The following ASIC2 variants were observed in gnomAD, a reference collection of about 807,000 sequenced individuals.
The protein encoded by ASIC2 is acid-sensing ion channel 2.
A neutral mutation model predicts 57.3 loss-of-function variants in ASIC2; 25 were observed. That is an observed-to-expected ratio of 0.44 (90% CI 0.32 to 0.61). The LOEUF is 0.61. Among genes scored for constraint, ASIC2 ranks in the 20% least tolerant of loss-of-function variants. The pLI, the probability that ASIC2 is intolerant of heterozygous loss-of-function variation, is 0.06. For synonymous variants in ASIC2, 319 were observed against 307.5 expected, an observed-to-expected ratio of 1.04 and a Z score of -0.39; for missense variants, 641 against 738.1, an observed-to-expected ratio of 0.87 and a Z score of 1.52.
At chr17:33,484,896 G>T (rs1368894410) in intron 1 of ASIC2, among the ~76,000 whole-genome samples, 1 of 152,248 alleles carries the variant, frequency 6.6e-6, no homozygotes, top group Non-Finnish European at 1.5e-5. Flanking sequence ...GTAATTAAAA[G>T]TAGATATAAA....
chr17:34,132,218 T>A (rs556883186), intron 1 of ASIC2, among the ~76,000 whole-genome samples: 1 of 152,248 alleles, frequency 6.6e-6, no homozygotes, highest in East Asian at 1.9e-4. Flanking sequence ...TTCCTCCCGG[T>A]AAGTTCGTGG....
intron 1 of ASIC2, among the ~76,000 whole-genome samples, chr17:33,458,029 C>T (rs1042453223): frequency 2.6e-5 from 4 of 151,102 alleles, no homozygotes; most frequent in African/African-American, 4.9e-5. Flanking sequence ...GAAGGGGATT[C>T]TGATTCTGAC....
At chr17:33,661,389 C>T (rs1907259497) in intron 1 of ASIC2, among the ~76,000 whole-genome samples, 1 of 152,208 alleles carries the variant, frequency 6.6e-6, no homozygotes, top group Non-Finnish European at 1.5e-5. Context: ...TTGATTGCCT[C>T]GCTTGGGGCT....
chr17:33,880,195 A>G (rs1002122353), intron 1 of ASIC2, among the ~76,000 whole-genome samples: 1 of 152,224 alleles, frequency 6.6e-6, no homozygotes, highest in Non-Finnish European at 1.5e-5. Flanking sequence ...AATTAAAAGA[A>G]CTAGAGAAGC....
intron 1 of ASIC2, among the ~76,000 whole-genome samples, chr17:33,471,280 T>C (rs1457963112): frequency 2.6e-5 from 4 of 152,190 alleles, no homozygotes; most frequent in Non-Finnish European, 5.9e-5. Flanking sequence ...CTAGTTGGGA[T>C]TGTTGAGCTC....
At chr17:33,911,442 G>A (rs956992361) in intron 1 of ASIC2, among the ~76,000 whole-genome samples, 5 of 152,172 alleles carry the variant, frequency 3.3e-5, no homozygotes, top group South Asian at 2.1e-4. Flanking sequence ...TATTCTCATC[G>A]TCCAGAATGA....
intron 1 of ASIC2, among the ~76,000 whole-genome samples, chr17:33,660,443 C>T (rs902889220): frequency 1.3e-5 from 2 of 151,830 alleles, no homozygotes; most frequent in East Asian, 1.9e-4. Flanking sequence ...ATTCTATAAG[C>T]TTTTTTCTGT....
intron 1 of ASIC2, among the ~76,000 whole-genome samples, chr17:33,490,677 C>T (rs535364452): frequency 6.6e-6 from 1 of 152,298 alleles, no homozygotes; most frequent in African/African-American, 2.4e-5. Flanking sequence ...CGAGGCCTCC[C>T]CAGCCACGTG....
chr17:33,859,686 T>C (rs1456165749), intron 1 of ASIC2, among the ~76,000 whole-genome samples: 1 of 152,068 alleles, frequency 6.6e-6, no homozygotes, highest in Non-Finnish European at 1.5e-5. Flanking sequence ...GTTTACTTAT[T>C]TTATTTGGTT....
intron 1 of ASIC2, among the ~76,000 whole-genome samples, chr17:33,749,626 C>G (rs905793933): frequency 2.0e-5 from 3 of 152,128 alleles, no homozygotes; most frequent in Non-Finnish European, 4.4e-5. Context: ...AGAGCTGTCA[C>G]TTGGTGGGCT....
At chr17:33,252,528 G>A (rs1038045992) in intron 1 of ASIC2, among the ~76,000 whole-genome samples, 6 of 152,046 alleles carry the variant, frequency 3.9e-5, no homozygotes, top group Non-Finnish European at 7.4e-5. Context: ...TAATATGTTG[G>A]GTAATATCTT....
At chr17:33,898,835 T>G (rs147288344) in intron 1 of ASIC2, among the ~76,000 whole-genome samples, 4 of 152,220 alleles carry the variant, frequency 2.6e-5, no homozygotes, top group African/African-American at 9.6e-5. Flanking sequence ...TTGCCCCAAT[T>G]CTAAATGAAG....
intron 1 of ASIC2, among the ~76,000 whole-genome samples, chr17:33,408,222 C>A (rs1460612894): frequency 6.6e-6 from 1 of 152,174 alleles, no homozygotes; most frequent in Non-Finnish European, 1.5e-5. Flanking sequence ...AATTCAATAA[C>A]CAACGTTTGT....
chr17:33,737,863 A>C (rs185978190), intron 1 of ASIC2, among the ~76,000 whole-genome samples: 11 of 152,364 alleles, frequency 7.2e-5, no homozygotes, highest in African/African-American at 2.4e-4. Flanking sequence ...CAAACTCTTC[A>C]GACTGCAATC....
chr17:33,489,814 T>A (rs1344941585), intron 1 of ASIC2, among the ~76,000 whole-genome samples: 1 of 152,224 alleles, frequency 6.6e-6, no homozygotes, highest in Non-Finnish European at 1.5e-5. Flanking sequence ...GACTGTACCA[T>A]GTCTGGGACA....
At chr17:33,278,681 G>A (rs926379572) in intron 1 of ASIC2, among the ~76,000 whole-genome samples, 4 of 152,020 alleles carry the variant, frequency 2.6e-5, no homozygotes, top group Admixed American at 1.3e-4. Context: ...CATATTTCCC[G>A]GGATCCCTGG....
chr17:33,721,890 G>C (rs1405974107), intron 1 of ASIC2, among the ~76,000 whole-genome samples: 1 of 152,216 alleles, frequency 6.6e-6, no homozygotes, highest in Non-Finnish European at 1.5e-5. Context: ...AGTGTGGCTG[G>C]GTCAAAGTGA....
At chr17:33,596,446 G>T (rs562661676) in intron 1 of ASIC2, among the ~76,000 whole-genome samples, 1 of 152,128 alleles carries the variant, frequency 6.6e-6, no homozygotes, top group Non-Finnish European at 1.5e-5. Context: ...TATAACGGGG[G>T]AGAAAAGGTA....
At chr17:33,451,209 A>C (rs960740485) in intron 1 of ASIC2, among the ~76,000 whole-genome samples, 2 of 151,162 alleles carry the variant, frequency 1.3e-5, no homozygotes, top group African/African-American at 4.9e-5. Context: ...GGCACCCACC[A>C]CTACACCTGG....
Sources: gnomAD v4.1 joint callset for allele counts (sites outside exome capture counted in the v4.1 genomes callset) on GRCh38, gnomAD v4.1.1 for gene constraint, MANE v1.5 for transcripts, NCBI Gene and HGNC (gene_info 2026-07-23, HGNC 2026-07-21) for gene names.